The following KSR2 variants were observed in gnomAD, a reference collection of about 807,000 sequenced individuals.
The protein encoded by KSR2 is kinase suppressor of ras 2.
KSR2 carries 25 observed loss-of-function variants against 107.8 expected under a neutral mutation model. The observed-to-expected ratio is 0.23, with a 90% confidence interval of 0.17 to 0.32. KSR2 has a LOEUF of 0.32. KSR2 is among the 10% of genes least tolerant of loss of function. KSR2 has a pLI of 1.00. For synonymous variants in KSR2, 480 were observed against 507.0 expected (o/e 0.95, Z 0.71); for missense variants, 887 against 1,268.9 (o/e 0.70, Z 4.57).
At chr12:117,802,779 C>T (rs1027304781) in intron 3 of KSR2, among the ~76,000 whole-genome samples, 2 of 151,946 alleles carry the variant, frequency 1.3e-5, no homozygotes, top group Admixed American at 1.3e-4. Context: ...TCAGGGTTTG[C>T]CAATTCCTTG....
chr12:117,724,977 A>T (rs188823519), intron 4 of KSR2, among the ~76,000 whole-genome samples: 12 of 152,196 alleles, frequency 7.9e-5, no homozygotes, highest in African/African-American at 2.9e-4. Flanking sequence ...TGCTGAGAAG[A>T]AAACAGTAAA....
intron 1 of KSR2, among the ~76,000 whole-genome samples, chr12:117,952,278 C>T (rs1896388681): frequency 2.0e-5 from 3 of 151,904 alleles, no homozygotes; most frequent in Admixed American, 6.6e-5. Flanking sequence ...CAATAGATAT[C>T]AAATCATCAT....
intron 5 of KSR2, among the ~76,000 whole-genome samples, chr12:117,631,252 G>A (rs1260850872): frequency 6.6e-6 from 1 of 152,174 alleles, no homozygotes; most frequent in African/African-American, 2.4e-5. Flanking sequence ...AGCAAGCTAT[G>A]ATCACTCCAC....
chr12:117,775,596 G>A (rs946952632), intron 3 of KSR2, among the ~76,000 whole-genome samples: 4 of 152,334 alleles, frequency 2.6e-5, no homozygotes, highest in Non-Finnish European at 4.4e-5. Context: ...CACAGAGCAC[G>A]TTCTCTTGGC....
In KSR2 at chr12:117,465,342, C is replaced by T. The variant is rs372080131; in HGVS notation, c.*1857G>A. On this transcript the variant is annotated 3_prime_UTR_variant, in exon 20 of 20. Transcript: ENST00000339824. ...GTCAAGCCAAGAGCCATAGATGTCC[C>T]CAGAAGAGCAGTGTCTGCTTAGGAG... 2.6e-5 allele frequency: 4 copies of T among 152,220 alleles called. No individual in the cohort carries two copies. The highest frequency in any genetic ancestry group is 9.7e-5 in the African/African-American group (4 of 41,442). 9.4% of individuals were successfully genotyped at this position (152,220 alleles called of 1,614,324 possible). A position where few individuals can be genotyped will look rare whatever the true frequency, so the allele number is the denominator to read the frequency against.
intron 5 of KSR2, among the ~76,000 whole-genome samples, chr12:117,655,188 G>T (rs1160134372): frequency 1.3e-5 from 2 of 152,180 alleles, no homozygotes; most frequent in African/African-American, 4.8e-5. Flanking sequence ...TGCACACAAT[G>T]CTTCTGCCAA....
intron 4 of KSR2, among the ~76,000 whole-genome samples, chr12:117,678,941 G>A (rs1048058878): frequency 6.6e-6 from 1 of 152,184 alleles, no homozygotes; most frequent in Admixed American, 6.5e-5. Context: ...GTCTGCTGAG[G>A]GGTCTGCAAG....
chr12:117,466,949 T>G lies in KSR2; in HGVS notation c.*250A>C. ...ATTAGTGCTGTCCCCTGGGCCGCAC[T>G]GATCAATAACGCATCACCCTGGCTG... On this transcript the variant is annotated 3_prime_UTR_variant, in exon 20 of 20. Coordinates refer to ENST00000339824, the MANE Select transcript of KSR2 (RefSeq NM_173598.6). 4.5e-6 allele frequency: 2 copies of G among 440,594 alleles called. No homozygotes were observed. The highest frequency in any genetic ancestry group is 8.0e-6 in the Non-Finnish European group (2 of 251,094). The allele number at this position is 440,594 out of a possible 1,614,324, so 27.3% of individuals were successfully genotyped here. A position where few individuals can be genotyped will look rare whatever the true frequency, so the allele number is the denominator to read the frequency against.
In KSR2 at chr12:117,897,724, A is replaced by G. The variant is rs745868469; in HGVS notation, c.181-37293T>C. Among the ~76,000 whole-genome samples the G allele has an allele frequency of 6.6e-6, 1 of 152,184 alleles. No individual in the cohort carries two copies. The highest frequency in any genetic ancestry group is 1.9e-4 in the East Asian group (1 of 5,160). ...TTGGGTGCTAGCTCTTTGCAAGGCTAAGAAACCTGCTGATCCGAGAACCTG... is the reference window on the plus strand; with the variant it reads ...TTGGGTGCTAGCTCTTTGCAAGGCTGAGAAACCTGCTGATCCGAGAACCTG... On this transcript the variant is annotated intron_variant, in intron 1 of 19. Transcript: ENST00000339824. The surrounding 1 kb of genome is among the most constrained non-coding windows in gnomAD (Gnocchi z 4.5).
At chr12:117,869,853 A>C (rs1011669100) in intron 1 of KSR2, among the ~76,000 whole-genome samples, 1 of 152,194 alleles carries the variant, frequency 6.6e-6, no homozygotes, top group Admixed American at 6.5e-5. Flanking sequence ...CATGTACTAA[A>C]CATTTACAGT....
chr12:117,534,488 G>A (rs1320260779), intron 10 of KSR2, among the ~76,000 whole-genome samples: 1 of 151,904 alleles, frequency 6.6e-6, no homozygotes, highest in Non-Finnish European at 1.5e-5. Context: ...AAGAGCAAAG[G>A]CTCTTAGCCA....
At chr12:117,481,619 T>C (rs149831213) in intron 16 of KSR2, among the ~76,000 whole-genome samples, 50 of 152,340 alleles carry the variant, frequency 3.3e-4, no homozygotes, top group African/African-American at 1.2e-3. Context: ...GAGTCTGGTA[T>C]TGTGTTATAG....
intron 5 of KSR2, among the ~76,000 whole-genome samples, chr12:117,590,386 C>T (rs148865115): frequency 3.2e-4 from 48 of 152,302 alleles, no homozygotes; most frequent in African/African-American, 9.9e-4. Context: ...CAAACACCAG[C>T]TCTGCCACTT....
At chr12:117,774,046 G>A (rs137962996) in intron 3 of KSR2, among the ~76,000 whole-genome samples, 5 of 152,220 alleles carry the variant, frequency 3.3e-5, no homozygotes, top group Non-Finnish European at 7.4e-5. Flanking sequence ...GGTAGATCAG[G>A]GTTTCTGATC....
In KSR2 at chr12:117,950,749, A is replaced by AAATAATAAT. The variant is rs10700691; in HGVS notation, c.180+17318_180+17326dup. On this transcript the variant is annotated intron_variant, in intron 1 of 19. Coordinates refer to ENST00000339824, the MANE Select transcript of KSR2 (RefSeq NM_173598.6). ...GAGCAAGACTCTGTAAAAAAAAAAAAAATAATAATAATAATAATAATGATA... is the reference window on the plus strand; with the variant it reads ...GAGCAAGACTCTGTAAAAAAAAAAAAAATAATAATAATAATAATAATAATAATAATGATA... Among the ~76,000 whole-genome samples, 678 of 132,078 alleles carry AAATAATAAT rather than the reference A, an allele frequency of 5.1e-3. 11 individuals carry two copies. The East Asian group carries it at 0.055, about 11-fold the overall frequency. The allele number at this position is 132,078 out of a possible 152,430, so 86.6% of individuals were successfully genotyped here.
At chr12:117,784,521 C>G (rs1342307995) in intron 3 of KSR2, among the ~76,000 whole-genome samples, 1 of 152,148 alleles carries the variant, frequency 6.6e-6, no homozygotes, top group African/African-American at 2.4e-5. Flanking sequence ...AGGTAATTAG[C>G]ACAGTACCAA....
chr12:117,960,512 G>C (rs1367934418), intron 1 of KSR2, among the ~76,000 whole-genome samples: 1 of 152,170 alleles, frequency 6.6e-6, no homozygotes, highest in Non-Finnish European at 1.5e-5. Flanking sequence ...CCATGGAGCA[G>C]AGAAGTGAGG....
At chr12:117,690,490 G>A (rs1230120248) in intron 4 of KSR2, among the ~76,000 whole-genome samples, 1 of 150,884 alleles carries the variant, frequency 6.6e-6, no homozygotes, top group Non-Finnish European at 1.5e-5. Flanking sequence ...GCTTAAACCT[G>A]GGAGGCGGAG....
chr12:117,522,735 G>C (rs1445378416), intron 14 of KSR2, among the ~76,000 whole-genome samples: 1 of 152,130 alleles, frequency 6.6e-6, no homozygotes, highest in Non-Finnish European at 1.5e-5. Context: ...ACCGCCATGA[G>C]AATGAGCCTG....
Sources: allele counts gnomAD v4.1 joint callset (sites outside exome capture counted in the v4.1 genomes callset), GRCh38; gene constraint gnomAD v4.1.1; non-coding constraint Gnocchi (gnomAD v3.1); transcripts MANE v1.5; gene names NCBI Gene and HGNC (gene_info 2026-07-23, HGNC 2026-07-21).